OGDHL: variants seen among roughly 807,000 people sequenced by gnomAD.
OGDHL encodes 2-oxoglutarate dehydrogenase-like, mitochondrial.
In OGDHL, 79 loss-of-function variants were observed where a neutral mutation model predicts 109.6. That is an observed-to-expected ratio of 0.72 (90% CI 0.60 to 0.87). OGDHL has a LOEUF of 0.87. Ranked by LOEUF, OGDHL falls within the 40% of genes least tolerant of loss-of-function variation. OGDHL has a pLI of 0.00. For missense variants in OGDHL, 1,275 were observed against 1,362.2 expected (o/e 0.94, Z 1.01); for synonymous variants, 528 against 537.2 (o/e 0.98, Z 0.24).
chr10:49,747,132 AGAGT>A lies in OGDHL; in HGVS notation c.1060_1063del (p.Thr354CysfsTer59), dbSNP rs748398172. On this transcript the variant is annotated frameshift_variant, in exon 9 of 23. Coordinates refer to ENST00000374103, the MANE Select transcript of OGDHL (RefSeq NM_018245.3). LOFTEE classifies it high-confidence loss of function. ...GTGGGAGGGGTTGGCAACCAGCGAC[AGAGT>A]GATGTTCCGGTTGGTGACGCGGTTG... The A allele has an allele frequency of 7.4e-6, 12 of 1,614,170 alleles. No individual in the cohort carries two copies. Among genetic ancestry groups the A allele is most frequent in the Non-Finnish European group, 9.3e-6 (11 of 1,179,958 alleles).
At chr10:49,739,929 A>G in intron 16 of OGDHL, 90 bp from the exon 17 acceptor site, 2 of 1,315,152 alleles carry the variant, frequency 1.5e-6, no homozygotes, top group Non-Finnish European at 1.0e-6. Flanking sequence ...TATATCCTCC[A>G]TGCCCCCACC....
At position 49,751,630 on chromosome 10, in the gene OGDHL, C is replaced by T. The variant is rs113980977; in HGVS notation, c.749+197G>A. On this transcript the variant is annotated intron_variant, in intron 6 of 22. Coordinates refer to ENST00000374103, the MANE Select transcript of OGDHL (RefSeq NM_018245.3). The stretch of plus-strand genomic sequence containing the variant: ...TAGAGCCTCATCCCTGCCCACCTGA[C>T]CTGCTCTGCCTTGGGCCAGCTCTTG... 6.8e-3 allele frequency among the ~76,000 whole-genome samples: 1,041 copies of T among 152,338 alleles called. 13 individuals carry two copies. The highest frequency in any genetic ancestry group is 0.022 in the African/African-American group (920 of 41,576).
chr10:49,740,863 G>A (rs1251194872), intron 15 of OGDHL, 26 bp from the exon 16 acceptor site: 17 of 1,613,044 alleles, frequency 1.1e-5, no homozygotes, highest in Non-Finnish European at 1.4e-5. Context: ...CCGGGGCAGG[G>A]ACAGAGGGCA....
chr10:49,747,262 A>G, intron 8 of OGDHL, 54 bp from the exon 9 acceptor site: 1 of 1,581,812 alleles, frequency 6.3e-7, no homozygotes, highest in Non-Finnish European at 8.6e-7. Flanking sequence ...TCAGACAGGC[A>G]GATACACAGG....
Position 49,756,794 on chromosome 10 carries a change from G to A in OGDHL, c.357C>T (p.Ser119=), listed in dbSNP as rs1399681786. Residue 119 remains serine, a synonymous_variant, in exon 3 of 23, where the codon TCC becomes TCT. Transcript: ENST00000374103. ...CCCTCACCTGGTAGGCCCGGATCAGGGACTGCACAGCCAGGTGGTCCTCCA... is the reference window on the plus strand; with the variant it reads ...CCCTCACCTGGTAGGCCCGGATCAGAGACTGCACAGCCAGGTGGTCCTCCA... ...KLVEDHLAVQ[S]LIRAYQIRGH... is the part of the protein sequence containing the mutation. 1 of 1,613,508 alleles carries A rather than the reference G, an allele frequency of 6.2e-7. No individual in the cohort carries two copies. The highest frequency in any genetic ancestry group is 1.1e-5 in the South Asian group (1 of 90,876).
intron 19 of OGDHL, 37 bp from the exon 20 acceptor site, chr10:49,737,895 C>T (rs1415583034): frequency 6.2e-7 from 1 of 1,614,162 alleles, no homozygotes; most frequent in South Asian, 1.1e-5. Flanking sequence ...CCAGCTGGCC[C>T]TGCCTGGCCA....
chr10:49,746,792 G>A lies in OGDHL; in HGVS notation c.1254C>T (p.Ser418=), dbSNP rs1464965041. ...CGTGCACGGTACCATTGGTCGTGTA[G>A]GAGGGCAGGTCGCTCAGGTGGAAGG... ...YETFHLSDLP[S]YTTNGTVHVV... Residue 418 remains serine, a synonymous_variant, in exon 10 of 23, where the codon TCC becomes TCT. Coordinates refer to ENST00000374103, the MANE Select transcript of OGDHL (RefSeq NM_018245.3). 10 of 1,614,194 alleles carry A rather than the reference G, an allele frequency of 6.2e-6. No homozygotes were observed. In the East Asian group the frequency reaches 2.2e-4, roughly 36 times the overall value.
chr10:49,749,615 A>G, intron 8 of OGDHL, 111 bp downstream of exon 8: 1 of 897,836 alleles, frequency 1.1e-6, no homozygotes, highest in Non-Finnish European at 1.7e-6. Context: ...TCTCCAATGC[A>G]TCCATCTTAA....
At position 49,739,698 on chromosome 10, in the gene OGDHL, C is replaced by A. The variant is rs1841496380; in HGVS notation, c.2282G>T (p.Gly761Val). Residue 761 changes from glycine to valine, a missense_variant, in exon 17 of 23, where the codon GGC (glycine) becomes GTC (valine). By Grantham distance (109) the Gly-to-Val change is moderately radical. Transcript: ENST00000374103. The stretch of plus-strand genomic sequence containing the variant: ...GCCATGGGGCAGCAGCAGCACAATG[C>A]CATTATGCCGCACCCACTTGGCCTG... ...TGQAKWVRHN[G>V]IVLLLPHGME... The A allele has an allele frequency of 6.2e-7, 1 of 1,614,054 alleles. No individual in the cohort carries two copies. Among genetic ancestry groups the A allele is most frequent in the Non-Finnish European group, 8.5e-7 (1 of 1,179,948 alleles).
chr10:49,746,112 G>C, intron 10 of OGDHL, 135 bp from the exon 11 acceptor site: 2 of 962,022 alleles, frequency 2.1e-6, no homozygotes, highest in South Asian at 3.5e-5. Context: ...ACACAACAGG[G>C]TGATGGTGAG....
chr10:49,738,371 G>A (rs1420519491), intron 17 of OGDHL, 109 bp from the exon 18 acceptor site: 7 of 1,120,834 alleles, frequency 6.2e-6, no homozygotes, highest in African/African-American at 1.5e-5. Flanking sequence ...CTCAGCAGAG[G>A]TGCCCTCACC....
chr10:49,753,283 C>T (rs1411387369), intron 3 of OGDHL, among the ~76,000 whole-genome samples: 2 of 152,024 alleles, frequency 1.3e-5, no homozygotes, highest in Non-Finnish European at 2.9e-5. Flanking sequence ...AAAAAAACCA[C>T]AACATAAGAA....
rs1172349815 is a variant in OGDHL, at chr10:49,735,148, G to A, written c.*80C>T. ...GCCCCACAGCCCCTCTCCTGGGCAG[G>A]AGCTCCGCCCCTCCCCTTTTCATCA... On this transcript the variant is annotated 3_prime_UTR_variant, in exon 23 of 23. Coordinates refer to ENST00000374103, the MANE Select transcript of OGDHL (RefSeq NM_018245.3). 15 of 1,549,000 alleles carry A rather than the reference G, an allele frequency of 9.7e-6. No homozygotes were observed. The highest frequency in any genetic ancestry group is 1.9e-5 in the Admixed American group (1 of 52,508).
In OGDHL at chr10:49,749,729, G is replaced by T; in HGVS notation, c.984C>A (p.Asp328Glu). The change falls in exon 8 of 23, where the codon GAC (aspartate) becomes GAA (glutamate). Residue 328 changes from aspartate (D) to glutamate (E), a missense_variant. Transcript: ENST00000374103. ...CQFDPKLEAA[D>E]EGSGDVKYHL... ...GGGACCTGGGCATGGCACCCACCTC[G>T]TCCGCCGCCTCCAGCTTGGGGTCAA... The T allele has an allele frequency of 6.3e-7, 1 of 1,586,996 alleles. No homozygotes were observed.
At chr10:49,747,297 C>T (rs74131127) in intron 8 of OGDHL, 89 bp from the exon 9 acceptor site, 3 of 1,421,670 alleles carry the variant, frequency 2.1e-6, no homozygotes, top group Middle Eastern at 1.8e-4. Flanking sequence ...CACAGTCAGG[C>T]TGGCACATTC....
rs1564519358 is a variant in OGDHL at position 49,736,087 on chromosome 10, TG to T, written c.2844del (p.Asn948LysfsTer13). 6.2e-7 allele frequency: 1 copy of T among 1,612,188 alleles called. No homozygotes were observed. Among genetic ancestry groups the T allele is most frequent in the South Asian group, 1.1e-5 (1 of 90,746 alleles). On this transcript the variant is annotated frameshift_variant, in exon 22 of 23. Transcript: ENST00000374103. LOFTEE classifies it high-confidence loss of function. ...ELAWCQEEHK[N>X]MGYYDYISPR... Reference sequence around the variant, plus strand: ...GGGCTGATGTAGTCATAGTAGCCCATGTTCTTGTGCTCCTCCTGACACCAGG... The same window carrying T: ...GGGCTGATGTAGTCATAGTAGCCCATTTCTTGTGCTCCTCCTGACACCAGG...
chr10:49,754,808 A>G (rs1432749430), intron 3 of OGDHL, among the ~76,000 whole-genome samples: 1 of 152,218 alleles, frequency 6.6e-6, no homozygotes, highest in Non-Finnish European at 1.5e-5. Context: ...CAGACTTGGG[A>G]AAACCCTACA....
chr10:49,753,477 A>C (rs1414784039), intron 3 of OGDHL, among the ~76,000 whole-genome samples: 1 of 152,224 alleles, frequency 6.6e-6, no homozygotes, highest in African/African-American at 2.4e-5. Flanking sequence ...AAATATGTCC[A>C]CTTAGTGGCA....
rs566624910 is a variant in OGDHL at position 49,753,494 on chromosome 10, C to G, written c.376-754G>C. On this transcript the variant is annotated intron_variant, in intron 3 of 22. Transcript: ENST00000374103. Reference sequence around the variant, plus strand: ...ATATGTCCACTTAGTGGCATAAATACAGAGAGAAACCATTCCAATTGACTA... The same window carrying G: ...ATATGTCCACTTAGTGGCATAAATAGAGAGAGAAACCATTCCAATTGACTA... Among the ~76,000 whole-genome samples, 10 of 152,150 alleles carry G rather than the reference C, an allele frequency of 6.6e-5. No individual in the cohort carries two copies. The South Asian group carries it at 1.5e-3, about 22-fold the overall frequency.
Sources: allele counts gnomAD v4.1 joint callset (sites outside exome capture counted in the v4.1 genomes callset), GRCh38; gene constraint gnomAD v4.1.1; transcripts MANE v1.5; gene names NCBI Gene and HGNC (gene_info 2026-07-23, HGNC 2026-07-21).